CEP97: variants seen among roughly 807,000 people sequenced by gnomAD.
CEP97 encodes the protein centrosomal protein of 97 kDa.
Under a neutral mutation model 73.1 loss-of-function variants are expected in CEP97, and 43 were observed. That is an observed-to-expected ratio of 0.59 (90% CI 0.46 to 0.76). The LOEUF (loss-of-function observed/expected upper bound fraction) is 0.76. Ranked by LOEUF, CEP97 falls within the 30% of genes least tolerant of loss-of-function variation. CEP97 has a pLI of 0.00. For synonymous variants in CEP97, 337 were observed against 370.0 expected (o/e 0.91, Z 1.02); for missense variants, 939 against 1,014.0 (o/e 0.93, Z 1.00).
At chr3:101,755,381 G>A (rs772485523) in intron 6 of CEP97, 49 bp from the exon 7 acceptor site, 12 of 1,514,182 alleles carry the variant, frequency 7.9e-6, no homozygotes, top group Non-Finnish European at 8.2e-6. Flanking sequence ...GACAATGTGT[G>A]TTGACTATTC....
intron 6 of CEP97, among the ~76,000 whole-genome samples, chr3:101,744,716 G>A (rs762453639): frequency 6.6e-6 from 1 of 152,168 alleles, no homozygotes; most frequent in East Asian, 1.9e-4. Context: ...AACTCTGGAA[G>A]TATTGTGTTC....
rs1275264384 is a variant in CEP97, at chr3:101,748,917, G to T, written c.729-6513G>T. 4.6e-5 allele frequency among the ~76,000 whole-genome samples: 7 copies of T among 152,050 alleles called. No individual in the cohort carries two copies. The East Asian group carries it at 1.3e-3, about 29-fold the overall frequency. ...GGCCTCCCAAAGTGCTGGGATTACA[G>T]GTGTGAGCCACTGCGCCCGGCCCAT... On this transcript the variant is annotated intron_variant, in intron 6 of 10. Transcript: ENST00000341893.
chr3:101,758,123 A>G lies in CEP97; in HGVS notation c.1517A>G (p.Glu506Gly), dbSNP rs1188082349. The G allele has an allele frequency of 6.2e-7, 1 of 1,614,228 alleles. No individual in the cohort carries two copies. Among genetic ancestry groups the G allele is most frequent in the Non-Finnish European group, 8.5e-7 (1 of 1,180,042 alleles). The change falls in exon 9 of 11, where the codon GAG becomes GGG. Residue 506 changes from glutamate to glycine, a missense_variant. By Grantham distance (98) the Glu-to-Gly change is moderately conservative (BLOSUM62 -2). Transcript: ENST00000341893. ...AACCACAGTCTTACATTTTTTCCTG[A>G]GTCAACTGAGCAGAAACAATCAGAC... Reference protein sequence around the residue: ...DDNHSLTFFPESTEQKQSDIK... With the variant: ...DDNHSLTFFPGSTEQKQSDIK...
intron 9 of CEP97, among the ~76,000 whole-genome samples, chr3:101,759,854 C>G (rs1425570169): frequency 6.6e-6 from 1 of 151,710 alleles, no homozygotes; most frequent in Non-Finnish European, 1.5e-5. Context: ...TGAGTGTAGC[C>G]AATTCTTGGA....
intron 6 of CEP97, 67 bp from the exon 7 acceptor site, chr3:101,755,363 T>C: frequency 5.2e-6 from 7 of 1,357,650 alleles, no homozygotes; most frequent in Non-Finnish European, 6.3e-6. Flanking sequence ...GGAAGATCAT[T>C]GTTGCCTGAC....
At chr3:101,757,248 C>T (rs775200869) in intron 8 of CEP97, 52 bp downstream of exon 8, 30 of 1,557,528 alleles carry the variant, frequency 1.9e-5, no homozygotes, top group Middle Eastern at 3.4e-4. Context: ...TTTAATTTGT[C>T]GGGTATCATA....
intron 6 of CEP97, among the ~76,000 whole-genome samples, chr3:101,740,505 T>C (rs1190152151): frequency 6.6e-6 from 1 of 151,702 alleles, no homozygotes; most frequent in African/African-American, 2.4e-5. Flanking sequence ...TGCTCATGCA[T>C]AGGAAGAATC....
intron 6 of CEP97, among the ~76,000 whole-genome samples, chr3:101,750,735 A>G (rs2107171445): frequency 6.6e-6 from 1 of 152,182 alleles, no homozygotes; most frequent in South Asian, 2.1e-4. Context: ...GGTAGTTTGT[A>G]TTTCTGTAGG....
intron 6 of CEP97, among the ~76,000 whole-genome samples, chr3:101,749,488 A>G (rs1008346679): frequency 1.9e-4 from 26 of 133,718 alleles, no homozygotes; most frequent in African/African-American, 7.1e-4. Flanking sequence ...AGCATGATTT[A>G]TAGTCCTTTG....
intron 6 of CEP97, among the ~76,000 whole-genome samples, chr3:101,751,421 T>C (rs1178910714): frequency 6.6e-6 from 1 of 152,246 alleles, no homozygotes; most frequent in Non-Finnish European, 1.5e-5. Context: ...TGTAGATATC[T>C]ATTAGGTCCG....
At chr3:101,731,308 C>A (rs1240604628) in intron 4 of CEP97, among the ~76,000 whole-genome samples, 1 of 151,088 alleles carries the variant, frequency 6.6e-6, no homozygotes, top group African/African-American at 2.4e-5. Flanking sequence ...TCAAGTGATC[C>A]CCCTACCTCA....
At chr3:101,727,161 G>T (rs1937918413) in intron 2 of CEP97, among the ~76,000 whole-genome samples, 2 of 152,172 alleles carry the variant, frequency 1.3e-5, no homozygotes, top group African/African-American at 4.8e-5. Flanking sequence ...AGTAGTTAGA[G>T]GAGGTCTGAT....
At position 101,756,057 on chromosome 3, in the gene CEP97, T is replaced by C. The variant is rs892584344; in HGVS notation, c.893+463T>C. Reference sequence around the variant, plus strand: ...AACGGGATAGGATTTTTAAAAAATATATTTGTTCTTTTTTTTTTTTTAAGA... The same window carrying C: ...AACGGGATAGGATTTTTAAAAAATACATTTGTTCTTTTTTTTTTTTTAAGA... On this transcript the variant is annotated intron_variant, in intron 7 of 10. Transcript: ENST00000341893. Among the ~76,000 whole-genome samples, 7 of 151,978 alleles carry C rather than the reference T, an allele frequency of 4.6e-5. No individual in the cohort carries two copies. In the South Asian group the frequency reaches 1.2e-3, roughly 27 times the overall value.
intron 3 of CEP97, among the ~76,000 whole-genome samples, 172 bp downstream of exon 3, chr3:101,727,713 A>G (rs1422565504): frequency 6.6e-6 from 1 of 152,244 alleles, no homozygotes; most frequent in African/African-American, 2.4e-5. Context: ...ATGACATAAT[A>G]TTCTTTTAAA....
intron 7 of CEP97, 113 bp from the exon 8 acceptor site, chr3:101,756,950 A>G (rs766127396): frequency 3.4e-4 from 321 of 932,840 alleles, no homozygotes; most frequent in Non-Finnish European, 4.8e-4. Flanking sequence ...AATTAAAAGT[A>G]CCTACTTTGA....
intron 9 of CEP97, 121 bp from the exon 10 acceptor site, chr3:101,762,364 G>A (rs1320386133): frequency 2.1e-6 from 1 of 484,626 alleles, no homozygotes; most frequent in East Asian, 3.5e-5. Flanking sequence ...TATTCTAAAA[G>A]TGGGAAAGAC....
At position 101,765,293 on chromosome 3, in the gene CEP97, A is replaced by G; in HGVS notation, c.2340A>G (p.Gln780=). 1.2e-6 allele frequency: 2 copies of G among 1,614,184 alleles called. No individual in the cohort carries two copies. The highest frequency in any genetic ancestry group is 1.7e-6 in the Non-Finnish European group (2 of 1,180,024). Residue 780 remains glutamine, a synonymous_variant, in exon 11 of 11, where the codon CAA becomes CAG. Coordinates refer to ENST00000341893, the MANE Select transcript of CEP97 (RefSeq NM_024548.4). ...TTGAACAGTATTTAACTTCAGTTCA[A>G]CAGCTGGAAGATGCTGATGAGAGGA... ...SLLEQYLTSV[Q]QLEDADERTN...
chr3:101,733,072 A>C (rs192206457), intron 6 of CEP97, among the ~76,000 whole-genome samples: 5 of 152,202 alleles, frequency 3.3e-5, no homozygotes, highest in Admixed American at 1.3e-4. Flanking sequence ...ACAGTGAGCT[A>C]TGGTTGTGTC....
chr3:101,755,791 T>C (rs1033126671), intron 7 of CEP97, among the ~76,000 whole-genome samples, 197 bp downstream of exon 7: 7 of 152,134 alleles, frequency 4.6e-5, no homozygotes, highest in Non-Finnish European at 1.0e-4. Context: ...TATGGAGGAA[T>C]AGAGGGGTTT....
Sources: gnomAD v4.1 joint callset for allele counts (sites outside exome capture counted in the v4.1 genomes callset) on GRCh38, gnomAD v4.1.1 for gene constraint, MANE v1.5 for transcripts, NCBI Gene and HGNC (gene_info 2026-07-23, HGNC 2026-07-21) for gene names.